The following TCHP variants were observed in gnomAD, a reference collection of about 807,000 sequenced individuals.
The protein encoded by TCHP is trichoplein keratin filament binding, also known as trichoplein keratin filament-binding protein.
In TCHP, 81 loss-of-function variants were observed where a neutral mutation model predicts 88.7. That is an observed-to-expected ratio of 0.91 (90% CI 0.76 to 1.10). The LOEUF (loss-of-function observed/expected upper bound fraction) is 1.10, where lower values mean the gene tolerates loss of function less well. TCHP is among the 50% of genes least tolerant of loss of function. The pLI is 0.00. For missense variants in TCHP, 641 were observed against 632.1 expected (o/e 1.01, Z -0.15); for synonymous variants, 232 against 232.5 (o/e 1.00, Z 0.02).
rs1302734107 is a variant in TCHP, at chr12:109,907,576, AAGGGCC to A, written c.577_582del (p.Ala194_Arg195del). On this transcript the variant is annotated inframe_deletion, in exon 6 of 13. Coordinates refer to ENST00000405876, the MANE Select transcript of TCHP (RefSeq NM_001143852.2). ...ACAAACGGTATGAAAATGAATATGA[AAGGGCC>A]CGAAGGGAGGCGCTAGAAAGGATGA... 6.2e-7 allele frequency: 1 copy of A among 1,614,078 alleles called. No homozygotes were observed. The highest frequency in any genetic ancestry group is 8.5e-7 in the Non-Finnish European group (1 of 1,180,040).
At position 109,914,544 on chromosome 12, in the gene TCHP, G is replaced by A. The variant is rs772964837; in HGVS notation, c.1237G>A (p.Glu413Lys). ...CAGGGAGCAACTTATTCGAAATCTT[G>A]AGGAGGTGAGAGAGTTGGCTCGTCG... is the stretch of plus-strand genomic sequence containing the variant. ...KHREQLIRNL[E>K]EVRELARREK... Residue 413 changes from glutamate (E) to lysine (K), a missense_variant, in exon 11 of 13, where the codon GAG (glutamate) becomes AAG (lysine). Physicochemically the swap from Glu to Lys is moderately conservative, Grantham distance 56. Coordinates refer to ENST00000405876, the MANE Select transcript of TCHP (RefSeq NM_001143852.2). The A allele has an allele frequency of 1.2e-6, 2 of 1,614,082 alleles. No individual in the cohort carries two copies. Among genetic ancestry groups the A allele is most frequent in the Admixed American group, 1.7e-5 (1 of 60,024 alleles).
chr12:109,908,564 C>G, intron 6 of TCHP, 22 bp from the exon 7 acceptor site: 1 of 1,570,478 alleles, frequency 6.4e-7, no homozygotes, highest in Non-Finnish European at 8.7e-7. Context: ...CTCAGTCGAG[C>G]TTACTCTCAT....
upstream of TCHP, among the ~76,000 whole-genome samples, chr12:109,897,032 G>A (rs973945335): frequency 6.6e-6 from 1 of 152,198 alleles, no homozygotes; most frequent in African/African-American, 2.4e-5. Context: ...CTCTTGTGTT[G>A]CAGCAAGAGG....
At chr12:109,914,683 C>A in intron 11 of TCHP, 56 bp downstream of exon 11, 1 of 1,486,986 alleles carries the variant, frequency 6.7e-7, no homozygotes, top group Non-Finnish European at 9.2e-7. Context: ...TCTGCATCAT[C>A]ATGGGACAGG....
At chr12:109,888,276 G>C in the TCHP span, 1 of 152,200 alleles carries the variant, frequency 6.6e-6, no homozygotes, top group Non-Finnish European at 1.5e-5. Context: ...TTTGGCTATG[G>C]GCCATCAGTT....
At chr12:109,897,362 A>G (rs145245829), upstream of TCHP, among the ~76,000 whole-genome samples, 1 of 152,296 alleles carries the variant, frequency 6.6e-6, no homozygotes, top group East Asian at 1.9e-4. Context: ...CAGGCCACTT[A>G]GGAATGGTTG....
At position 109,908,881 on chromosome 12, in the gene TCHP, A is replaced by G; in HGVS notation, c.823A>G (p.Arg275Gly). Residue 275 changes from arginine to glycine, a missense_variant, in exon 8 of 13, where the codon AGA becomes GGA. Transcript: ENST00000405876. ...TTGATTCTCCTTCAGGCGTTTCTTG[A>G]GACATCAGTATAACGCTCAACTCAG... ...RQKAELGRFL[R>G]HQYNAQLSRR... 6.2e-7 allele frequency: 1 copy of G among 1,614,220 alleles called. No homozygotes were observed.
chr12:109,899,104 C>A (rs760142371), upstream of TCHP, among the ~76,000 whole-genome samples: 31 of 152,090 alleles, frequency 2.0e-4, no homozygotes, highest in Non-Finnish European at 4.0e-4. Flanking sequence ...CAGGCGTAAG[C>A]CACTGAACCC....
intron 9 of TCHP, 168 bp from the exon 10 acceptor site, chr12:109,912,823 C>T: frequency 1.6e-6 from 1 of 625,196 alleles, no homozygotes. Flanking sequence ...TCCAACAGTA[C>T]TTTCCGTGGA....
rs1212948912 is a variant in TCHP at position 109,917,650 on chromosome 12, A to G, written c.*1027A>G. 6.6e-6 allele frequency: 1 copy of G among 152,618 alleles called. No homozygotes were observed. The highest frequency in any genetic ancestry group is 1.5e-5 in the Non-Finnish European group (1 of 68,046). The allele number at this position is 152,618 out of a possible 1,614,324, so 9.5% of individuals were successfully genotyped here. ...CCGGCCAGAAATCTCTCCCACCATT[A>G]TATCAGCGTGATACAGGTCTACATT... On this transcript the variant is annotated 3_prime_UTR_variant, in exon 13 of 13. Coordinates refer to ENST00000405876, the MANE Select transcript of TCHP (RefSeq NM_001143852.2).
chr12:109,898,133 G>T (rs1476937308), upstream of TCHP, among the ~76,000 whole-genome samples: 2 of 152,172 alleles, frequency 1.3e-5, no homozygotes, highest in African/African-American at 4.8e-5. Context: ...GCTCACCTGG[G>T]ATGCACTGGA....
chr12:109,910,063 C>T (rs538671611), intron 8 of TCHP, among the ~76,000 whole-genome samples: 121 of 152,130 alleles, frequency 8.0e-4, no homozygotes, highest in African/African-American at 2.7e-3. Context: ...TGCTTGAACC[C>T]AGGAGGTGGA....
the TCHP span, among the ~76,000 whole-genome samples, chr12:109,888,986 A>G: frequency 6.6e-6 from 1 of 150,416 alleles, no homozygotes; most frequent in Non-Finnish European, 1.5e-5. Context: ...CCTTGAGTCG[A>G]GGAGTTTGAG....
At chr12:109,909,403 T>G (rs776697280) in intron 8 of TCHP, among the ~76,000 whole-genome samples, 3 of 152,246 alleles carry the variant, frequency 2.0e-5, no homozygotes, top group Non-Finnish European at 4.4e-5. Context: ...CAGAGGTGCC[T>G]GTTTAGTTCA....
rs897415075 is a variant in TCHP, at chr12:109,915,507, G to C, written c.1425G>C (p.Gln475His). 1 of 1,614,098 alleles carries C rather than the reference G, an allele frequency of 6.2e-7. No individual in the cohort carries two copies. The highest frequency in any genetic ancestry group is 8.5e-7 in the Non-Finnish European group (1 of 1,179,998). ...VEQLSDALLQ[Q>H]EAETMAEQGY... ...AGCTCTCAGATGCCCTGCTGCAGCA[G>C]GAGGCGGAGACTATGGCTGAGCAGG... is the stretch of plus-strand genomic sequence containing the variant. Residue 475 changes from glutamine to histidine, a missense_variant, in exon 12 of 13, where the codon CAG becomes CAC. Coordinates refer to ENST00000405876, the MANE Select transcript of TCHP (RefSeq NM_001143852.2).
chr12:109,916,776 CAGTGTTTGGCCAGACATTAAG>C lies in TCHP; in HGVS notation c.*154_*174del. On this transcript the variant is annotated 3_prime_UTR_variant, in exon 13 of 13. Coordinates refer to ENST00000405876, the MANE Select transcript of TCHP (RefSeq NM_001143852.2). ...GCTCAGGTTCATCATTGAAACATCC[CAGTGTTTGGCCAGACATTAAG>C]GTGTCGTGAGAGTCCCTTTCATGCC... The C allele has an allele frequency of 1.4e-6, 1 of 698,762 alleles. No homozygotes were observed. Among genetic ancestry groups the C allele is most frequent in the Admixed American group, 2.7e-5 (1 of 37,144 alleles). 43.3% of individuals were successfully genotyped at this position (698,762 alleles called of 1,614,324 possible). A position where few individuals can be genotyped will look rare whatever the true frequency, so the allele number is the denominator to read the frequency against.
At chr12:109,901,638 T>G (rs1869803065) in intron 1 of TCHP, among the ~76,000 whole-genome samples, 1 of 152,198 alleles carries the variant, frequency 6.6e-6, no homozygotes, top group African/African-American at 2.4e-5. Context: ...ATCTAACATT[T>G]TATGAAAGAT....
At chr12:109,883,870 A>C in the TCHP span, among the ~76,000 whole-genome samples, 2 of 152,200 alleles carry the variant, frequency 1.3e-5, no homozygotes, top group Admixed American at 6.5e-5. Flanking sequence ...CCCCTTCATC[A>C]ATCCAAAAAA....
chr12:109,896,570 T>C (rs1038916232), upstream of TCHP, among the ~76,000 whole-genome samples: 55 of 152,300 alleles, frequency 3.6e-4, no homozygotes, highest in African/African-American at 1.3e-3. Context: ...CTTTTTCCTT[T>C]GGAGGAGAAG....
Sources: gnomAD v4.1 joint callset for allele counts (sites outside exome capture counted in the v4.1 genomes callset) on GRCh38, gnomAD v4.1.1 for gene constraint, MANE v1.5 for transcripts, NCBI Gene and HGNC (gene_info 2026-07-23, HGNC 2026-07-21) for gene names.